The following MIER1 variants were observed in gnomAD, a reference collection of about 807,000 sequenced individuals.
MIER1 encodes the protein MIER1 transcriptional regulator, also known as mesoderm induction early response protein 1.
Under a neutral mutation model 75.7 loss-of-function variants are expected in MIER1, and 40 were observed. The ratio of observed to expected loss-of-function variants is 0.53; its 90% confidence interval spans 0.41 to 0.69. The LOEUF is 0.69. Ranked by LOEUF, MIER1 falls within the 30% of genes least tolerant of loss-of-function variation. MIER1 has a pLI of 0.00. For missense variants in MIER1, 574 were observed against 680.2 expected, an observed-to-expected ratio of 0.84 and a Z score of 1.74; for synonymous variants, 213 against 223.4, an observed-to-expected ratio of 0.95 and a Z score of 0.42.
At chr1:66,972,735 A>G (rs1663955703) in intron 10 of MIER1, among the ~76,000 whole-genome samples, 162 bp from the exon 11 acceptor site, 1 of 152,068 alleles carries the variant, frequency 6.6e-6, no homozygotes. Context: ...TTATTAAATA[A>G]GGAATTGTTG....
intron 12 of MIER1, among the ~76,000 whole-genome samples, chr1:66,980,901 A>G (rs1403907323): frequency 6.6e-6 from 1 of 152,100 alleles, no homozygotes; most frequent in Non-Finnish European, 1.5e-5. Flanking sequence ...CAGTTGTTGC[A>G]GGAAAGCAGT....
At chr1:66,928,870 C>G in intron 2 of MIER1, 2 of 1,566,926 alleles carry the variant, frequency 1.3e-6, no homozygotes, top group Non-Finnish European at 1.7e-6. Flanking sequence ...CTCTTCTTTC[C>G]CTTGCTTTTC....
intron 2 of MIER1, among the ~76,000 whole-genome samples, chr1:66,939,742 T>G (rs980799579): frequency 6.6e-6 from 1 of 152,124 alleles, no homozygotes; most frequent in African/African-American, 2.4e-5. Flanking sequence ...CCACATATGT[T>G]ATGAAGCCCA....
At chr1:66,964,248 G>GT (rs1256626437) in intron 8 of MIER1, among the ~76,000 whole-genome samples, 2 of 148,626 alleles carry the variant, frequency 1.3e-5, no homozygotes, top group African/African-American at 4.9e-5. Flanking sequence ...ATTTTTTTGT[G>GT]TTTTTTAGTA....
chr1:66,934,472 A>G (rs139053690), intron 2 of MIER1, among the ~76,000 whole-genome samples: 265 of 146,664 alleles, frequency 1.8e-3, no homozygotes, highest in African/African-American at 6.5e-3. Context: ...GGCGCAAATC[A>G]TAGCTCACTA....
chr1:66,985,259 A>G lies in MIER1; in HGVS notation c.*359A>G, dbSNP rs995494376. 1 of 975,374 alleles carries G rather than the reference A, an allele frequency of 1.0e-6. No individual in the cohort carries two copies. The highest frequency in any genetic ancestry group is 1.2e-6 in the Non-Finnish European group (1 of 820,460). 60.4% of individuals were successfully genotyped at this position (975,374 alleles called of 1,614,324 possible). A position where few individuals can be genotyped will look rare whatever the true frequency, so the allele number is the denominator to read the frequency against. On this transcript the variant is annotated 3_prime_UTR_variant, in exon 14 of 14. Coordinates refer to ENST00000401041, the MANE Select transcript of MIER1 (RefSeq NM_001077700.3). ...GATGTATTAATCATAAAATTTCACT[A>G]CAAGGTAATTTTTGCTTAGTTTGAT...
chr1:66,970,582 C>T (rs1047289017), intron 8 of MIER1, among the ~76,000 whole-genome samples: 2 of 152,094 alleles, frequency 1.3e-5, no homozygotes, highest in African/African-American at 4.8e-5. Context: ...AAGATAAAGT[C>T]AGACTGGATC....
intron 2 of MIER1, among the ~76,000 whole-genome samples, chr1:66,933,321 T>C (rs971031784): frequency 1.3e-5 from 2 of 152,196 alleles, no homozygotes; most frequent in African/African-American, 4.8e-5. Flanking sequence ...ATTTTAGCGT[T>C]TGTAAACACG....
chr1:66,930,477 C>T, intron 2 of MIER1: 2 of 1,515,820 alleles, frequency 1.3e-6, no homozygotes, highest in East Asian at 2.4e-5. Context: ...TGGAGTGGGC[C>T]TGGCCAGGAG....
intron 8 of MIER1, among the ~76,000 whole-genome samples, chr1:66,964,780 C>T (rs1662040281): frequency 6.6e-6 from 1 of 152,118 alleles, no homozygotes; most frequent in African/African-American, 2.4e-5. Context: ...AGTTCATGTG[C>T]AGTGTGACAT....
rs563521327 is a variant in MIER1 at position 66,974,630 on chromosome 1, A to G, written c.1101+1639A>G. On this transcript the variant is annotated intron_variant, in intron 11 of 13. Transcript: ENST00000401041. ...GACTTGAAACTTAGAGCCAAGTAAC[A>G]TAAGTATTAAAAGTATAACCTTGAT... Among the ~76,000 whole-genome samples, 297 of 152,296 alleles carry G rather than the reference A, an allele frequency of 2.0e-3. 1 individual carries two copies. The highest frequency in any genetic ancestry group is 3.3e-3 in the Non-Finnish European group (227 of 68,008).
chr1:66,971,490 G>T (rs945961822), intron 9 of MIER1, among the ~76,000 whole-genome samples, 165 bp from the exon 10 acceptor site: 6 of 151,952 alleles, frequency 3.9e-5, no homozygotes, highest in African/African-American at 1.2e-4. Flanking sequence ...TATCAGGATC[G>T]AATTCATATT....
At position 66,976,580 on chromosome 1, in the gene MIER1, A is replaced by C. The variant is rs1460717709; in HGVS notation, c.1102-15A>C. Reference sequence around the variant, plus strand: ...AAAAAGGAGATTCTTAAAAGCAAGCATTTGTTTCTTACAGGTCCGAACAAG... The same window carrying C: ...AAAAAGGAGATTCTTAAAAGCAAGCCTTTGTTTCTTACAGGTCCGAACAAG... On this transcript the variant is annotated splice_polypyrimidine_tract_variant and intron_variant, in intron 11 of 13. Coordinates refer to ENST00000401041, the MANE Select transcript of MIER1 (RefSeq NM_001077700.3). 4 of 1,548,082 alleles carry C rather than the reference A, an allele frequency of 2.6e-6. No homozygotes were observed. Among genetic ancestry groups the C allele is most frequent in the Non-Finnish European group, 3.5e-6 (4 of 1,149,106 alleles).
rs191730091 is a variant in MIER1, at chr1:66,930,059, C to T, written c.168+3817C>T. On this transcript the variant is annotated intron_variant, in intron 2 of 13. Coordinates refer to ENST00000401041, the MANE Select transcript of MIER1 (RefSeq NM_001077700.3). ...CAGCTGGAGCCAGCGAAGCGCCCCG[C>T]GCGGTTGCCCACCTCCTCCCACACC... Among the ~76,000 whole-genome samples, 10 of 152,284 alleles carry T rather than the reference C, an allele frequency of 6.6e-5. No homozygotes were observed. In the East Asian group the frequency reaches 1.7e-3, roughly 26 times the overall value.
chr1:66,952,361 T>C (rs181601463), intron 4 of MIER1, among the ~76,000 whole-genome samples: 73 of 152,336 alleles, frequency 4.8e-4, no homozygotes, highest in Admixed American at 2.4e-3. Flanking sequence ...ATACTACTTT[T>C]GGCCAAGTTT....
At chr1:66,967,157 G>A (rs1353345991) in intron 8 of MIER1, among the ~76,000 whole-genome samples, 2 of 152,178 alleles carry the variant, frequency 1.3e-5, no homozygotes, top group Non-Finnish European at 2.9e-5. Context: ...TTAGATGTAA[G>A]TCTTTAATCT....
chr1:66,928,020 G>A (rs1292330021), intron 2 of MIER1, among the ~76,000 whole-genome samples: 1 of 152,004 alleles, frequency 6.6e-6, no homozygotes, highest in Non-Finnish European at 1.5e-5. Context: ...AATAGTGGAA[G>A]GATACTGAAT....
In MIER1 at chr1:66,988,477, T is replaced by C. The variant is rs1667056279; in HGVS notation, c.*3577T>C. 1 of 152,050 alleles carries C rather than the reference T, an allele frequency of 6.6e-6. No individual in the cohort carries two copies. Among genetic ancestry groups the C allele is most frequent in the Non-Finnish European group, 1.5e-5 (1 of 67,758 alleles). 9.4% of individuals were successfully genotyped at this position (152,050 alleles called of 1,614,324 possible). A position where few individuals can be genotyped will look rare whatever the true frequency, so the allele number is the denominator to read the frequency against. ...CAGTTTTCCATAAACTCTTGTCATGTACCCTTAGTATTGTGCTGATCTTTT... is the reference window on the plus strand; with the variant it reads ...CAGTTTTCCATAAACTCTTGTCATGCACCCTTAGTATTGTGCTGATCTTTT... On this transcript the variant is annotated 3_prime_UTR_variant, in exon 14 of 14. Transcript: ENST00000401041.
At chr1:66,971,567 A>T (rs530601346) in intron 9 of MIER1, 88 bp from the exon 10 acceptor site, 2 of 688,248 alleles carry the variant, frequency 2.9e-6, no homozygotes, top group East Asian at 5.6e-5. Flanking sequence ...AAGGATGAAA[A>T]CACTGGATGT....
Sources: gnomAD v4.1 joint callset for allele counts (sites outside exome capture counted in the v4.1 genomes callset) on GRCh38, gnomAD v4.1.1 for gene constraint, MANE v1.5 for transcripts, NCBI Gene and HGNC (gene_info 2026-07-23, HGNC 2026-07-21) for gene names.